Variants in SERINC5 observed in about 807,000 individuals in gnomAD.
SERINC5 encodes the protein chromosome 5 open reading frame 12.
Under a neutral mutation model 63.1 loss-of-function variants are expected in SERINC5, and 41 were observed. The ratio of observed to expected loss-of-function variants is 0.65; its 90% CI spans 0.51 to 0.84. The LOEUF (loss-of-function observed/expected upper bound fraction) is 0.84, where lower values mean the gene tolerates loss of function less well. Among genes scored for constraint, SERINC5 ranks in the 40% least tolerant of loss-of-function variants. SERINC5 has a pLI of 0.00. For synonymous variants in SERINC5, 222 were observed against 215.2 expected (o/e 1.03, Z -0.28); for missense variants, 523 against 573.0 (o/e 0.91, Z 0.89).
At chr5:80,208,371 TA>T (rs5869025) in intron 1 of SERINC5, among the ~76,000 whole-genome samples, 64,410 of 138,768 alleles carry the variant, frequency 0.46, 14,538 homozygotes, top group East Asian at 0.69. Flanking sequence ...AAAACTGCTC[TA>T]AAAAAAAAAA....
At chr5:80,179,169 C>T (rs946041484) in intron 2 of SERINC5, among the ~76,000 whole-genome samples, 27 of 151,990 alleles carry the variant, frequency 1.8e-4, no homozygotes, top group African/African-American at 6.0e-4. Context: ...TGTGGTGGCT[C>T]GTGCCTGTAA....
chr5:80,203,913 G>A (rs1162666948), intron 1 of SERINC5, among the ~76,000 whole-genome samples: 1 of 152,158 alleles, frequency 6.6e-6, no homozygotes. Flanking sequence ...GGCAGGGACT[G>A]AAGACTGAGC....
intron 1 of SERINC5, among the ~76,000 whole-genome samples, chr5:80,242,462 A>G (rs1397368501): frequency 1.3e-5 from 2 of 151,678 alleles, no homozygotes; most frequent in Non-Finnish European, 2.9e-5. Context: ...TACTAAAAAT[A>G]CAAAAATTAG....
At chr5:80,235,509 A>T (rs1751645986) in intron 1 of SERINC5, among the ~76,000 whole-genome samples, 3 of 152,246 alleles carry the variant, frequency 2.0e-5, no homozygotes, top group Admixed American at 2.0e-4. Flanking sequence ...AACAAACACA[A>T]ATCAAGAAGA....
intron 2 of SERINC5, among the ~76,000 whole-genome samples, chr5:80,197,240 T>G (rs1454701722): frequency 6.6e-6 from 1 of 150,472 alleles, no homozygotes; most frequent in Non-Finnish European, 1.5e-5. Flanking sequence ...TCCCAGCTAC[T>G]CGGGAGGCTG....
intron 1 of SERINC5, among the ~76,000 whole-genome samples, chr5:80,236,890 C>G (rs1457948616): frequency 6.6e-6 from 1 of 151,250 alleles, no homozygotes; most frequent in African/African-American, 2.4e-5. Context: ...TGCTCTGTTG[C>G]CCAGGCTGGA....
intron 1 of SERINC5, among the ~76,000 whole-genome samples, chr5:80,245,965 TAAAAAAA>T (rs57108110): frequency 5.2e-5 from 6 of 115,986 alleles, no homozygotes; most frequent in African/African-American, 1.3e-4. Context: ...GTCAGCTCTT[TAAAAAAA>T]AAAAAAAAAA....
rs1450702491 is a variant in SERINC5, at chr5:80,166,497, C to T, written c.764-19G>A. On this transcript the variant is annotated intron_variant, in intron 6 of 11. Coordinates refer to ENST00000507668, the MANE Select transcript of SERINC5 (RefSeq NM_001174072.3). The stretch of plus-strand genomic sequence containing the variant: ...GGCTGTCCTGAAAAGTGACAAGAGA[C>T]AGACAACAGGTTTTAATTTGAAGAA... 1 of 1,523,522 alleles carries T rather than the reference C, an allele frequency of 6.6e-7. No homozygotes were observed. The highest frequency in any genetic ancestry group is 2.4e-5 in the East Asian group (1 of 41,986). 94.4% of individuals were successfully genotyped at this position (1,523,522 alleles called of 1,614,324 possible).
At chr5:80,129,474 T>C (rs1242934625) in intron 11 of SERINC5, among the ~76,000 whole-genome samples, 2 of 152,132 alleles carry the variant, frequency 1.3e-5, no homozygotes, top group Non-Finnish European at 2.9e-5. Flanking sequence ...TGGATAAGTT[T>C]TAAAACAATT....
intron 5 of SERINC5, among the ~76,000 whole-genome samples, chr5:80,172,102 C>T (rs142938537): frequency 3.7e-4 from 57 of 152,174 alleles, no homozygotes; most frequent in East Asian, 1.7e-3. Context: ...GAGGCCAAGG[C>T]GGACAGATCA....
At chr5:80,113,266 T>C (rs73123694) in intron 12 of SERINC5, among the ~76,000 whole-genome samples, 14,809 of 152,222 alleles carry the variant, frequency 0.097, 2,372 homozygotes, top group African/African-American at 0.33. Context: ...CTAGCCATAG[T>C]GCCTGTTTCA....
At chr5:80,205,512 C>A (rs191931955) in intron 1 of SERINC5, among the ~76,000 whole-genome samples, 4 of 152,180 alleles carry the variant, frequency 2.6e-5, no homozygotes, top group African/African-American at 9.7e-5. Context: ...GAAATGGGTG[C>A]CTTTTACACT....
chr5:80,220,177 C>CA (rs1233015633), intron 1 of SERINC5, among the ~76,000 whole-genome samples: 3 of 151,816 alleles, frequency 2.0e-5, no homozygotes, highest in African/African-American at 7.3e-5. Context: ...CACCATACTC[C>CA]AGCCTGGGCG....
chr5:80,121,273 T>C (rs956646091), intron 11 of SERINC5, among the ~76,000 whole-genome samples: 5 of 152,224 alleles, frequency 3.3e-5, no homozygotes, highest in Non-Finnish European at 7.3e-5. Flanking sequence ...AGCAAGGTGC[T>C]GGCATCTGCT....
rs956314552 is a variant in SERINC5 at position 80,198,327 on chromosome 5, T to C, written c.195+4559A>G. 2.7e-4 allele frequency among the ~76,000 whole-genome samples: 41 copies of C among 152,206 alleles called. 1 individual carries two copies. Among genetic ancestry groups the C allele is most frequent in the African/African-American group, 9.4e-4 (39 of 41,558 alleles). ...CAGTCAAGCTTTCTCTGAGCCAAAG[T>C]TCTCCTGGGAAAGAGGAGTTTCCCT... On this transcript the variant is annotated intron_variant, in intron 2 of 11. Coordinates refer to ENST00000507668, the MANE Select transcript of SERINC5 (RefSeq NM_001174072.3).
At chr5:80,164,000 T>C (rs1352072060) in intron 7 of SERINC5, among the ~76,000 whole-genome samples, 2 of 152,228 alleles carry the variant, frequency 1.3e-5, no homozygotes, top group African/African-American at 4.8e-5. Flanking sequence ...CATTCGGTCC[T>C]GGCTTTTTCT....
At chr5:80,181,647 T>A (rs1425560477) in intron 2 of SERINC5, among the ~76,000 whole-genome samples, 1 of 147,170 alleles carries the variant, frequency 6.8e-6, no homozygotes, top group African/African-American at 2.4e-5. Context: ...AAACTGTACA[T>A]TTTTTATGAC....
chr5:80,145,439 G>T (rs1211126115), intron 11 of SERINC5, among the ~76,000 whole-genome samples: 2 of 148,942 alleles, frequency 1.3e-5, no homozygotes, highest in Non-Finnish European at 3.0e-5. Flanking sequence ...GTAGAGGCGG[G>T]GGGGTACCAC....
At position 80,138,824 on chromosome 5, in the gene SERINC5, C is replaced by G. The variant is rs1299688457; in HGVS notation, c.*4839G>C. ...CCTGATTAACATCTGAAGGCAACATCTCTGCAAAACAACTAACTTGAGTAC... is the reference window on the plus strand; with the variant it reads ...CCTGATTAACATCTGAAGGCAACATGTCTGCAAAACAACTAACTTGAGTAC... On this transcript the variant is annotated 3_prime_UTR_variant, in exon 12 of 12. Coordinates refer to ENST00000507668, the MANE Select transcript of SERINC5 (RefSeq NM_001174072.3). 1.4e-5 allele frequency: 14 copies of G among 984,326 alleles called. No individual in the cohort carries two copies. The East Asian group carries it at 5.7e-4, about 40-fold the overall frequency. The allele number at this position is 984,326 out of a possible 1,614,324, so 61.0% of individuals were successfully genotyped here. A position where few individuals can be genotyped will look rare whatever the true frequency, so the allele number is the denominator to read the frequency against.
Sources: gnomAD v4.1 joint callset for allele counts (sites outside exome capture counted in the v4.1 genomes callset) on GRCh38, gnomAD v4.1.1 for gene constraint, MANE v1.5 for transcripts, NCBI Gene and HGNC (gene_info 2026-07-23, HGNC 2026-07-21) for gene names.